MARF1: variants seen among roughly 807,000 people sequenced by gnomAD.
The protein encoded by MARF1 is meiosis regulator and mRNA stability factor 1.
A neutral mutation model predicts 168.2 loss-of-function variants in MARF1; 24 were observed. The ratio of observed to expected loss-of-function variants is 0.14; its 90% CI spans 0.10 to 0.20. The LOEUF (loss-of-function observed/expected upper bound fraction) is 0.20, where lower values mean the gene tolerates loss of function less well. Among genes scored for constraint, MARF1 ranks in the 10% least tolerant of loss-of-function variants. The pLI, the probability that MARF1 is intolerant of heterozygous loss-of-function variation, is 1.00. For missense variants in MARF1, 1,744 were observed against 2,143.6 expected (o/e 0.81, Z 3.68); for synonymous variants, 868 against 822.4 (o/e 1.06, Z -0.95).
chr16:15,608,360 T>C lies in MARF1; in HGVS notation c.4113A>G (p.Thr1371=), dbSNP rs780744416. 6.2e-7 allele frequency: 1 copy of C among 1,612,562 alleles called. No individual in the cohort carries two copies. The highest frequency in any genetic ancestry group is 8.5e-7 in the Non-Finnish European group (1 of 1,179,750). The change falls in exon 21 of 27, where the codon ACA becomes ACG. Residue 1371 remains threonine (T), a synonymous_variant. Transcript: ENST00000396368. ...LTEYAKTFGY[T]FRLQDYDVSS... ...TGACATCATAGTCTTGGAGACGAAA[T>C]GTATAACCAAAAGTTTTAGCATATT... is the stretch of plus-strand genomic sequence containing the variant.
intron 16 of MARF1, among the ~76,000 whole-genome samples, chr16:15,613,047 A>G (rs2033711801): frequency 6.6e-6 from 1 of 152,220 alleles, no homozygotes; most frequent in Non-Finnish European, 1.5e-5. Flanking sequence ...AGTGTTATTT[A>G]TAGCAGAAGT....
At chr16:15,630,266 T>C in intron 7 of MARF1, 66 bp downstream of exon 7, 1 of 1,468,246 alleles carries the variant, frequency 6.8e-7, no homozygotes, top group Non-Finnish European at 9.3e-7. Context: ...CCCCTTATTA[T>C]GGGCTGTCTT....
At chr16:15,602,512 G>C (rs138899406) in intron 22 of MARF1, 1 of 473,546 alleles carries the variant, frequency 2.1e-6, no homozygotes. Context: ...AGACGACGAT[G>C]AAGAAGACGA....
At chr16:15,636,439 A>G (rs1191423819) in intron 2 of MARF1, 97 bp from the exon 3 acceptor site, 2 of 840,036 alleles carry the variant, frequency 2.4e-6, no homozygotes, top group African/African-American at 3.4e-5. Flanking sequence ...AATAGTGTTC[A>G]ATTCTGTTAC....
chr16:15,602,134 G>A lies in MARF1; in HGVS notation c.4483C>T (p.Arg1495Trp), dbSNP rs1170306213. Residue 1495 changes from arginine (R) to tryptophan (W), a missense_variant, in exon 23 of 27, where the codon CGG becomes TGG. Arg to Trp is a moderately radical substitution (Grantham distance 101). Coordinates refer to ENST00000396368, the MANE Select transcript of MARF1 (RefSeq NM_014647.4). ...TSLYLFAKNVRSLLHTYHYQQ... is the reference protein window; with the variant it reads ...TSLYLFAKNVWSLLHTYHYQQ... ...TAGTGGTAAGTATGAAGTAAAGACC[G>A]CACATTCTTTGCAAACAAATACAGA... is the stretch of plus-strand genomic sequence containing the variant. The A allele has an allele frequency of 7.4e-6, 12 of 1,613,904 alleles. No individual in the cohort carries two copies. The highest frequency in any genetic ancestry group is 1.7e-5 in the Admixed American group (1 of 59,998).
At chr16:15,597,710 G>C (rs11859779) in intron 26 of MARF1, among the ~76,000 whole-genome samples, 2,290 of 152,316 alleles carry the variant, frequency 0.015, 62 homozygotes, top group African/African-American at 0.052. Context: ...GCGGCTGACA[G>C]AACTGCCCAC....
At chr16:15,634,696 G>C in intron 4 of MARF1, 61 bp downstream of exon 4, 2 of 1,486,632 alleles carry the variant, frequency 1.3e-6, no homozygotes, top group South Asian at 2.4e-5. Context: ...TAAATGCAAT[G>C]TTAGTATGAG....
At chr16:15,598,718 C>T (rs1159336474) in intron 26 of MARF1, 136 bp downstream of exon 26, 2 of 873,906 alleles carry the variant, frequency 2.3e-6, no homozygotes, top group South Asian at 1.7e-5. Context: ...GAAAGAAGGT[C>T]GAATAATCAG....
At chr16:15,623,260 A>G in intron 10 of MARF1, 137 bp from the exon 11 acceptor site, 1 of 458,546 alleles carries the variant, frequency 2.2e-6, no homozygotes, top group Non-Finnish European at 3.6e-6. Flanking sequence ...TTGGTTTTCA[A>G]ATGTGTTTTT....
At chr16:15,610,018 C>T (rs922635620) in intron 19 of MARF1, among the ~76,000 whole-genome samples, 165 of 152,230 alleles carry the variant, frequency 1.1e-3, no homozygotes, top group African/African-American at 3.9e-3. Flanking sequence ...AATTTTCTAG[C>T]CCCTGCCCCA....
At position 15,611,457 on chromosome 16, in the gene MARF1, A is replaced by C. The variant is rs567732221; in HGVS notation, c.3617+135T>G. Reference sequence around the variant, plus strand: ...GCGAGACTCCGTCTCAAAAAAAAAAAAAAAAAAACAAAAAACTACTACAAG... The same window carrying C: ...GCGAGACTCCGTCTCAAAAAAAAAACAAAAAAAACAAAAAACTACTACAAG... On this transcript the variant is annotated intron_variant, in intron 18 of 26. Transcript: ENST00000396368. 1.2e-4 allele frequency: 97 copies of C among 805,470 alleles called. No individual in the cohort carries two copies. The South Asian group carries it at 1.6e-3, about 13-fold the overall frequency. The allele number at this position is 805,470 out of a possible 1,614,324, so 49.9% of individuals were successfully genotyped here.
chr16:15,607,721 G>T (rs1194938589), intron 21 of MARF1, among the ~76,000 whole-genome samples: 2 of 152,180 alleles, frequency 1.3e-5, no homozygotes, highest in African/African-American at 2.4e-5. Flanking sequence ...CTGGTCCTGT[G>T]GGGGAGGAGG....
At chr16:15,610,923 T>A (rs1291301991) in intron 19 of MARF1, 52 bp downstream of exon 19, 2 of 1,570,670 alleles carry the variant, frequency 1.3e-6, no homozygotes. Context: ...CACACTATGT[T>A]AAAATAACAG....
rs573763813 is a variant in MARF1, at chr16:15,598,449, C to T, written c.4984+405G>A. ...GGGCTCCAGCCACAGACACCTCCCT[C>T]CATTCACCCCTTTATAAAGCCCTTG... On this transcript the variant is annotated intron_variant, in intron 26 of 26. Coordinates refer to ENST00000396368, the MANE Select transcript of MARF1 (RefSeq NM_014647.4). Among the ~76,000 whole-genome samples, 7 of 152,290 alleles carry T rather than the reference C, an allele frequency of 4.6e-5. No individual in the cohort carries two copies. The East Asian group carries it at 1.4e-3, about 29-fold the overall frequency.
chr16:15,628,172 A>G (rs564778959), intron 7 of MARF1, among the ~76,000 whole-genome samples: 2 of 152,320 alleles, frequency 1.3e-5, no homozygotes, highest in South Asian at 4.1e-4. Context: ...ATATTAATAT[A>G]TATTAACATG....
At chr16:15,633,926 C>G (rs2151286321) in intron 4 of MARF1, 83 bp from the exon 5 acceptor site, 1 of 1,171,276 alleles carries the variant, frequency 8.5e-7, no homozygotes, top group Middle Eastern at 2.0e-4. Context: ...ACCTATCATT[C>G]TCAGTGGTAG....
chr16:15,600,908 T>C, intron 23 of MARF1: 1 of 705,830 alleles, frequency 1.4e-6, no homozygotes, highest in South Asian at 1.5e-5. Context: ...AGCAGAGTAG[T>C]TCAAAAATCA....
At chr16:15,609,107 C>T (rs796273379) in intron 20 of MARF1, among the ~76,000 whole-genome samples, 13 of 152,146 alleles carry the variant, frequency 8.5e-5, no homozygotes, top group African/African-American at 2.9e-4. Context: ...GGCATGGTGG[C>T]GGGCACCTGT....
chr16:15,607,799 C>T (rs1388525487), intron 21 of MARF1, among the ~76,000 whole-genome samples: 2 of 152,204 alleles, frequency 1.3e-5, no homozygotes, highest in South Asian at 2.1e-4. Flanking sequence ...GCAAACAGCA[C>T]GAGCTGCCCT....
Sources: allele counts gnomAD v4.1 joint callset (sites outside exome capture counted in the v4.1 genomes callset), GRCh38; gene constraint gnomAD v4.1.1; transcripts MANE v1.5; gene names NCBI Gene and HGNC (gene_info 2026-07-23, HGNC 2026-07-21).